CDH13: variants seen among roughly 807,000 people sequenced by gnomAD.
CDH13 encodes the protein cadherin 13.
In CDH13, 24 loss-of-function variants were observed where a neutral mutation model predicts 63.8. The ratio of observed to expected loss-of-function variants is 0.38; its 90% CI spans 0.27 to 0.53. CDH13 has a LOEUF of 0.53. Ranked by LOEUF, CDH13 falls within the 20% of genes least tolerant of loss-of-function variation. CDH13 has a pLI of 0.85. For synonymous variants in CDH13, 503 were observed against 355.3 expected, an observed-to-expected ratio of 1.42 and a Z score of -4.67; for missense variants, 1,049 against 903.1, an observed-to-expected ratio of 1.16 and a Z score of -2.07.
chr16:83,396,899 A>G (rs1200907909), intron 6 of CDH13, among the ~76,000 whole-genome samples: 2 of 152,174 alleles, frequency 1.3e-5, no homozygotes, highest in Non-Finnish European at 2.9e-5. Context: ...TGACCCTTTC[A>G]GGTAGCTTCT....
At position 83,578,287 on chromosome 16, in the gene CDH13, C is replaced by T. The variant is rs770396260; in HGVS notation, c.961-24167C>T. On this transcript the variant is annotated intron_variant, in intron 7 of 13. Transcript: ENST00000567109. ...TAAAATTAACCATTTCTCACAGCCGCGGGCTACTTTTCTGGATGGGAAAAT... is the reference window on the plus strand; with the variant it reads ...TAAAATTAACCATTTCTCACAGCCGTGGGCTACTTTTCTGGATGGGAAAAT... Among the ~76,000 whole-genome samples, 12 of 152,286 alleles carry T rather than the reference C, an allele frequency of 7.9e-5. No individual in the cohort carries two copies. The South Asian group carries it at 8.3e-4, about 11-fold the overall frequency.
At chr16:83,459,410 T>G (rs1259548682) in intron 6 of CDH13, among the ~76,000 whole-genome samples, 1 of 152,246 alleles carries the variant, frequency 6.6e-6, no homozygotes, top group Admixed American at 6.5e-5. Context: ...AGCCTTAACC[T>G]CACACTTCAG....
chr16:83,043,498 T>C (rs571713420), intron 3 of CDH13, among the ~76,000 whole-genome samples: 14 of 116,204 alleles, frequency 1.2e-4, no homozygotes, highest in Non-Finnish European at 2.1e-4. Flanking sequence ...TGAGTGTGTG[T>C]GTGTGTGTGT....
intron 2 of CDH13, among the ~76,000 whole-genome samples, chr16:82,916,207 C>T (rs989854076): frequency 1.3e-5 from 2 of 151,978 alleles, no homozygotes; most frequent in Non-Finnish European, 2.9e-5. Context: ...ATATGGGCTG[C>T]GGAAATAGGT....
At chr16:82,731,014 A>G (rs916569106) in intron 1 of CDH13, among the ~76,000 whole-genome samples, 10 of 152,176 alleles carry the variant, frequency 6.6e-5, no homozygotes, top group Non-Finnish European at 1.2e-4. Context: ...TTATTTATGT[A>G]TGGTGAAATC....
At chr16:83,214,405 A>G (rs1018123694) in intron 4 of CDH13, among the ~76,000 whole-genome samples, 3 of 151,432 alleles carry the variant, frequency 2.0e-5, no homozygotes, top group Non-Finnish European at 4.4e-5. Context: ...CATGGGGAAA[A>G]CCCATCTCTA....
At chr16:82,741,553 C>G (rs1349781914) in intron 1 of CDH13, among the ~76,000 whole-genome samples, 1 of 152,152 alleles carries the variant, frequency 6.6e-6, no homozygotes, top group Non-Finnish European at 1.5e-5. Context: ...GGGTCCATGC[C>G]TCATTCATTT....
chr16:83,492,377 C>T (rs1450628001), intron 7 of CDH13, among the ~76,000 whole-genome samples: 2 of 152,120 alleles, frequency 1.3e-5, no homozygotes, highest in African/African-American at 2.4e-5. Context: ...ATCATGCTGT[C>T]AGGAATATTA....
intron 6 of CDH13, among the ~76,000 whole-genome samples, chr16:83,445,980 T>C (rs1334887735): frequency 6.6e-6 from 1 of 152,018 alleles, no homozygotes; most frequent in East Asian, 1.9e-4. Flanking sequence ...CCCTCCCCCA[T>C]CAAACTTTTT....
At chr16:83,424,483 C>G (rs1354779996) in intron 6 of CDH13, among the ~76,000 whole-genome samples, 1 of 152,124 alleles carries the variant, frequency 6.6e-6, no homozygotes, top group African/African-American at 2.4e-5. Context: ...TCATCCCCCA[C>G]TTTTGAAGCC....
intron 3 of CDH13, among the ~76,000 whole-genome samples, chr16:83,067,804 C>G (rs1023755925): frequency 6.6e-6 from 1 of 152,146 alleles, no homozygotes; most frequent in South Asian, 2.1e-4. Flanking sequence ...TTCCGTCAGC[C>G]TGCTGTTCCT....
At chr16:83,059,529 A>G (rs930640245) in intron 3 of CDH13, among the ~76,000 whole-genome samples, 1 of 152,030 alleles carries the variant, frequency 6.6e-6, no homozygotes, top group African/African-American at 2.4e-5. Flanking sequence ...GCCATGGCCT[A>G]GGTTTCTTAT....
At chr16:83,251,158 A>G (rs550519630) in intron 5 of CDH13, among the ~76,000 whole-genome samples, 1 of 152,280 alleles carries the variant, frequency 6.6e-6, no homozygotes, top group African/African-American at 2.4e-5. Context: ...GTCATTTCAT[A>G]GATTTGTAAG....
intron 7 of CDH13, among the ~76,000 whole-genome samples, chr16:83,560,380 A>G (rs1485410008): frequency 6.6e-6 from 1 of 152,210 alleles, no homozygotes; most frequent in Non-Finnish European, 1.5e-5. Flanking sequence ...AACATCATGG[A>G]TGAACCTGGA....
chr16:83,170,549 A>T (rs1422423137), intron 4 of CDH13, among the ~76,000 whole-genome samples: 1 of 152,154 alleles, frequency 6.6e-6, no homozygotes, highest in Non-Finnish European at 1.5e-5. Flanking sequence ...TTTTCCGGAC[A>T]GCTATCTGTC....
chr16:83,282,600 C>T (rs886340626), intron 5 of CDH13, among the ~76,000 whole-genome samples: 2 of 152,156 alleles, frequency 1.3e-5, no homozygotes, highest in Admixed American at 6.5e-5. Context: ...AAAAATTTTG[C>T]AACATACATG....
chr16:83,737,746 C>G (rs1178408520), intron 10 of CDH13, among the ~76,000 whole-genome samples: 1 of 152,158 alleles, frequency 6.6e-6, no homozygotes, highest in African/African-American at 2.4e-5. Flanking sequence ...TGATACACAC[C>G]CAAATTGGAG....
At chr16:83,462,526 C>T (rs752576262) in intron 6 of CDH13, among the ~76,000 whole-genome samples, 3 of 152,174 alleles carry the variant, frequency 2.0e-5, no homozygotes, top group Non-Finnish European at 2.9e-5. Context: ...CCAACGCGAG[C>T]AGGAGTTTGA....
At chr16:83,566,145 G>C (rs1667281098) in intron 7 of CDH13, among the ~76,000 whole-genome samples, 1 of 152,128 alleles carries the variant, frequency 6.6e-6, no homozygotes. Context: ...TGGCCTGACA[G>C]TACCACAGTC....
Sources: allele counts gnomAD v4.1 joint callset (sites outside exome capture counted in the v4.1 genomes callset), GRCh38; gene constraint gnomAD v4.1.1; transcripts MANE v1.5; gene names NCBI Gene and HGNC (gene_info 2026-07-23, HGNC 2026-07-21).